The following EYS variants were observed in gnomAD, a reference collection of about 807,000 sequenced individuals.
The protein encoded by EYS is protein eyes shut homolog.
Under a neutral mutation model 282.1 loss-of-function variants are expected in EYS, and 250 were observed. The ratio of observed to expected loss-of-function variants is 0.89; its 90% confidence interval spans 0.80 to 0.98. The LOEUF (loss-of-function observed/expected upper bound fraction) is 0.98, where lower values mean the gene tolerates loss of function less well. Ranked by LOEUF, EYS falls within the 50% of genes least tolerant of loss-of-function variation. The probability of loss-of-function intolerance (pLI) is 0.00; values close to 1 mark genes in which losing one functional copy is unlikely to be tolerated. For missense variants in EYS, 4,016 were observed against 3,709.0 expected, an observed-to-expected ratio of 1.08 and a Z score of -2.15; for synonymous variants, 1,355 against 1,282.9, an observed-to-expected ratio of 1.06 and a Z score of -1.20.
chr6:64,982,634 C>G (rs938091988), intron 14 of EYS, among the ~76,000 whole-genome samples: 1 of 151,072 alleles, frequency 6.6e-6, no homozygotes, highest in African/African-American at 2.4e-5. Flanking sequence ...GAGACACATT[C>G]AATCTATATA....
chr6:64,992,419 A>T (rs947119102), intron 14 of EYS, among the ~76,000 whole-genome samples: 10 of 151,640 alleles, frequency 6.6e-5, no homozygotes, highest in East Asian at 5.8e-4. Context: ...TAATAAAAAT[A>T]AAAAAAGTTA....
chr6:65,584,607 G>T (rs186148193), intron 2 of EYS, among the ~76,000 whole-genome samples: 1 of 151,718 alleles, frequency 6.6e-6, no homozygotes, highest in Non-Finnish European at 1.5e-5. Context: ...ACCTTCAAAC[G>T]AATCATTTTT....
chr6:65,278,714 C>T (rs182719786), intron 12 of EYS, among the ~76,000 whole-genome samples: 62 of 152,106 alleles, frequency 4.1e-4, no homozygotes, highest in African/African-American at 1.1e-3. Context: ...CTCTTCTAGT[C>T]AATTCATAAT....
At chr6:64,950,505 T>A (rs7760501) in intron 14 of EYS, among the ~76,000 whole-genome samples, 38,724 of 151,280 alleles carry the variant, frequency 0.26, 6,264 homozygotes, top group African/African-American at 0.45. Flanking sequence ...AGTAATGTAT[T>A]TAAAATACAT....
intron 14 of EYS, among the ~76,000 whole-genome samples, chr6:64,992,967 AGGGTACAGAGAAGGTCCT>A (rs1391106057): frequency 6.6e-6 from 1 of 152,044 alleles, no homozygotes; most frequent in African/African-American, 2.4e-5. Flanking sequence ...CTTGAAGGCA[AGGGTACAGAGAAGGTCCT>A]GGGAGCCACA....
At chr6:63,833,983 G>A (rs1771724813) in intron 36 of EYS, among the ~76,000 whole-genome samples, 1 of 152,162 alleles carries the variant, frequency 6.6e-6, no homozygotes, top group African/African-American at 2.4e-5. Flanking sequence ...TTAATAAATG[G>A]TTCTGGGAAA....
chr6:64,467,866 T>A (rs1396830533), intron 26 of EYS, among the ~76,000 whole-genome samples: 1 of 152,124 alleles, frequency 6.6e-6, no homozygotes, highest in Non-Finnish European at 1.5e-5. Flanking sequence ...GGCACCCATC[T>A]GCATATGCCA....
chr6:64,466,151 A>G (rs2225869), intron 26 of EYS, among the ~76,000 whole-genome samples: 62,936 of 151,874 alleles, frequency 0.41, 13,585 homozygotes, highest in African/African-American at 0.56. Flanking sequence ...ATTGTTGATA[A>G]GGATATAAAT....
At chr6:65,194,103 C>T (rs1326975206) in intron 12 of EYS, among the ~76,000 whole-genome samples, 1 of 151,834 alleles carries the variant, frequency 6.6e-6, no homozygotes, top group Non-Finnish European at 1.5e-5. Flanking sequence ...CTTAGGGCTA[C>T]TGCCTAAATA....
At chr6:64,989,476 T>C (rs1770981558) in intron 14 of EYS, among the ~76,000 whole-genome samples, 1 of 135,274 alleles carries the variant, frequency 7.4e-6, no homozygotes, top group Non-Finnish European at 1.6e-5. Context: ...TATATATATA[T>C]ATATATATAT....
At chr6:64,148,600 CTGTT>C (rs145946277) in intron 31 of EYS, among the ~76,000 whole-genome samples, 3,067 of 152,270 alleles carry the variant, frequency 0.02, 80 homozygotes, top group African/African-American at 0.061. Context: ...AGCTGACCAA[CTGTT>C]TGCCTCACTG....
chr6:65,069,611 T>A (rs1174245561), intron 12 of EYS, among the ~76,000 whole-genome samples: 3 of 151,938 alleles, frequency 2.0e-5, no homozygotes, highest in Non-Finnish European at 4.4e-5. Context: ...GCTTCTGTGG[T>A]TTTTCTACTC....
intron 13 of EYS, among the ~76,000 whole-genome samples, chr6:65,054,750 A>G (rs1377303668): frequency 6.6e-6 from 1 of 151,542 alleles, no homozygotes; most frequent in Admixed American, 6.6e-5. Flanking sequence ...TGTTTTATGT[A>G]TGTACAGTTC....
chr6:65,558,645 G>C (rs1318708150), intron 2 of EYS, among the ~76,000 whole-genome samples: 1 of 152,178 alleles, frequency 6.6e-6, no homozygotes, highest in Non-Finnish European at 1.5e-5. Context: ...CCACCAACAA[G>C]ATGAACAACA....
chr6:64,755,432 A>G (rs1344566989), intron 22 of EYS, among the ~76,000 whole-genome samples: 3 of 151,862 alleles, frequency 2.0e-5, no homozygotes, highest in Non-Finnish European at 4.4e-5. Context: ...TTCTTATGGA[A>G]CCAAAACAGA....
chr6:64,324,577 C>T (rs937755555), intron 29 of EYS, among the ~76,000 whole-genome samples: 3 of 152,084 alleles, frequency 2.0e-5, no homozygotes, highest in Admixed American at 1.3e-4. Flanking sequence ...CAAGGATGCC[C>T]CTCACATCAC....
intron 12 of EYS, among the ~76,000 whole-genome samples, chr6:65,207,782 C>A (rs983089068): frequency 6.6e-6 from 1 of 151,734 alleles, no homozygotes; most frequent in East Asian, 1.9e-4. Context: ...AGGGAAAGGA[C>A]TCCCCATTTA....
intron 13 of EYS, among the ~76,000 whole-genome samples, chr6:65,005,803 C>A (rs763608936): frequency 6.6e-6 from 1 of 152,098 alleles, no homozygotes; most frequent in African/African-American, 2.4e-5. Flanking sequence ...CGGCAGTAGC[C>A]GGTTAAGATC....
intron 33 of EYS, among the ~76,000 whole-genome samples, chr6:64,028,783 C>T (rs529389715): frequency 5.7e-4 from 87 of 152,320 alleles, no homozygotes; most frequent in African/African-American, 2.0e-3. Flanking sequence ...GCTACCAGTT[C>T]AGAAGCCTCG....
Sources: allele counts gnomAD v4.1 joint callset (sites outside exome capture counted in the v4.1 genomes callset), GRCh38; gene constraint gnomAD v4.1.1; transcripts MANE v1.5; gene names NCBI Gene and HGNC (gene_info 2026-07-23, HGNC 2026-07-21).